The following COL19A1 variants were observed in gnomAD, a reference collection of about 807,000 sequenced individuals.
COL19A1 encodes collagen type XIX alpha 1 chain, also known as collagen alpha-1(XIX) chain.
In COL19A1, 159 loss-of-function variants were observed where a neutral mutation model predicts 190.2. The ratio of observed to expected loss-of-function variants is 0.84; its 90% CI spans 0.73 to 0.95. The LOEUF is 0.95. Ranked by LOEUF, COL19A1 falls within the 40% of genes least tolerant of loss-of-function variation. The pLI is 0.00. For synonymous variants in COL19A1, 509 were observed against 458.9 expected (o/e 1.11, Z -1.39); for missense variants, 1,418 against 1,431.9 (o/e 0.99, Z 0.16).
chr6:70,013,670 T>A (rs1778028763), intron 11 of COL19A1, among the ~76,000 whole-genome samples: 1 of 11,126 alleles, frequency 9.0e-5, no homozygotes, highest in Non-Finnish European at 1.3e-4. Context: ...AGGAAGAAGT[T>A]GAATCTCTGA....
At chr6:70,122,804 A>G (rs561231013) in intron 17 of COL19A1, among the ~76,000 whole-genome samples, 1 of 152,306 alleles carries the variant, frequency 6.6e-6, no homozygotes, top group East Asian at 1.9e-4. Context: ...AAATTTGTTA[A>G]ATGACTAGCT....
intron 16 of COL19A1, among the ~76,000 whole-genome samples, chr6:70,107,629 A>T (rs1181165892): frequency 6.6e-6 from 1 of 152,192 alleles, no homozygotes; most frequent in East Asian, 1.9e-4. Flanking sequence ...TTCTCTCTTT[A>T]CAGTTCTCCA....
intron 17 of COL19A1, among the ~76,000 whole-genome samples, chr6:70,129,122 A>G (rs538669204): frequency 3.7e-4 from 57 of 152,380 alleles, no homozygotes; most frequent in African/African-American, 1.4e-3. Context: ...AAGCCTGTCC[A>G]AAGTTGATTC....
At chr6:69,881,325 C>CT (rs1020614246) in intron 2 of COL19A1, among the ~76,000 whole-genome samples, 3 of 152,054 alleles carry the variant, frequency 2.0e-5, no homozygotes, top group Admixed American at 6.6e-5. Context: ...CCAAGGTTAC[C>CT]TTTTTTTGTT....
rs139109726 is a variant in COL19A1, at chr6:70,144,949, G to A, written c.1712G>A (p.Gly571Glu). The change falls in exon 25 of 51, where the codon GGG becomes GAG. Residue 571 changes from glycine to glutamate, a missense_variant. Coordinates refer to ENST00000620364, the MANE Select transcript of COL19A1 (RefSeq NM_001858.6). ...GDPGGIIGPPGLPGPKGEAGP... is the reference protein window; with the variant it reads ...GDPGGIIGPPELPGPKGEAGP... ...CCGGGTGGGATCATAGGCCCTCCCG[G>A]GCTTCCAGGTCCAAAAGGTGAGGCT... is the stretch of plus-strand genomic sequence containing the variant. 80 of 1,590,734 alleles carry A rather than the reference G, an allele frequency of 5.0e-5. No homozygotes were observed. The highest frequency in any genetic ancestry group is 6.6e-5 in the Non-Finnish European group (77 of 1,166,804).
intron 10 of COL19A1, 108 bp downstream of exon 10, chr6:69,960,148 A>G (rs1774689133): frequency 9.1e-7 from 1 of 1,097,134 alleles, no homozygotes; most frequent in African/African-American, 1.6e-5. Flanking sequence ...ATTCACTCAA[A>G]GACTTTTAGA....
chr6:69,955,873 A>G (rs1289801012), intron 9 of COL19A1, among the ~76,000 whole-genome samples: 1 of 152,030 alleles, frequency 6.6e-6, no homozygotes, highest in Non-Finnish European at 1.5e-5. Flanking sequence ...GGGAAGGTTA[A>G]TTTGGGTTCA....
chr6:69,866,937 C>G (rs1767484329), intron 1 of COL19A1, among the ~76,000 whole-genome samples: 1 of 152,050 alleles, frequency 6.6e-6, no homozygotes, highest in Non-Finnish European at 1.5e-5. Context: ...TGCGTTACAC[C>G]TAAGTTCTAG....
intron 11 of COL19A1, among the ~76,000 whole-genome samples, chr6:70,005,319 T>C (rs1777549213): frequency 6.6e-6 from 1 of 152,122 alleles, no homozygotes; most frequent in East Asian, 1.9e-4. Flanking sequence ...ATGCTGACCT[T>C]TGGATGGATT....
chr6:69,932,932 A>G (rs1044672016), intron 7 of COL19A1, 69 bp downstream of exon 7: 7 of 1,039,158 alleles, frequency 6.7e-6, no homozygotes, highest in African/African-American at 1.6e-5. Context: ...TAGTTTGTAG[A>G]GTCCAAATGT....
intron 4 of COL19A1, among the ~76,000 whole-genome samples, chr6:69,906,370 C>T (rs1770548248): frequency 6.6e-6 from 1 of 152,058 alleles, no homozygotes; most frequent in Non-Finnish European, 1.5e-5. Context: ...ATCCCTTAGG[C>T]TCTTGATAGC....
intron 4 of COL19A1, among the ~76,000 whole-genome samples, chr6:69,911,787 C>T (rs1770938336): frequency 6.6e-6 from 1 of 152,196 alleles, no homozygotes; most frequent in African/African-American, 2.4e-5. Flanking sequence ...CATGATCCCC[C>T]TGCTCTTGGG....
chr6:69,990,156 AATAAAATATTGAACACCTGT>A lies in COL19A1; in HGVS notation c.1026+27290_1026+27309del, dbSNP rs1433717514. ...TTCAAATAAACACAAAAGTGTGCAG[AATAAAATATTGAACACCTGT>A]ATATACTTCAGCTGTCTTCAATTCA... On this transcript the variant is annotated intron_variant, in intron 11 of 50. Transcript: ENST00000620364. 1.6e-4 allele frequency among the ~76,000 whole-genome samples: 25 copies of A among 152,130 alleles called. No individual in the cohort carries two copies. The East Asian group carries it at 2.5e-3, about 15-fold the overall frequency.
chr6:70,172,527 G>A (rs1325641934), intron 41 of COL19A1, among the ~76,000 whole-genome samples: 1 of 152,110 alleles, frequency 6.6e-6, no homozygotes, highest in Non-Finnish European at 1.5e-5. Context: ...ACTACTCAAT[G>A]TATAGCCAGT....
chr6:70,040,462 A>C (rs1250633588), intron 14 of COL19A1, among the ~76,000 whole-genome samples: 1 of 152,224 alleles, frequency 6.6e-6, no homozygotes, highest in Non-Finnish European at 1.5e-5. Flanking sequence ...GCCAGTGACC[A>C]GTGCTTCCTC....
intron 44 of COL19A1, among the ~76,000 whole-genome samples, chr6:70,181,014 G>A (rs1457968383): frequency 6.6e-6 from 1 of 152,188 alleles, no homozygotes; most frequent in Non-Finnish European, 1.5e-5. Flanking sequence ...CTTGGTTACT[G>A]ATCTGTGGTA....
intron 42 of COL19A1, 146 bp from the exon 43 acceptor site, chr6:70,180,166 A>G (rs1766079264): frequency 4.9e-6 from 4 of 819,902 alleles, no homozygotes; most frequent in East Asian, 5.3e-5. Flanking sequence ...GATTCCAGAC[A>G]TGAGCCACCA....
chr6:70,030,938 CTT>C (rs1779028528), intron 12 of COL19A1, among the ~76,000 whole-genome samples: 1 of 152,210 alleles, frequency 6.6e-6, no homozygotes, highest in East Asian at 1.9e-4. Flanking sequence ...TGCTCCCACT[CTT>C]GCTGCCCATA....
intron 31 of COL19A1, among the ~76,000 whole-genome samples, chr6:70,153,180 A>G (rs560204535): frequency 2.0e-5 from 3 of 152,268 alleles, no homozygotes; most frequent in Non-Finnish European, 4.4e-5. Context: ...TGTGGGTTGG[A>G]TCTGTCATGC....
Sources: gnomAD v4.1 joint callset for allele counts (sites outside exome capture counted in the v4.1 genomes callset) on GRCh38, gnomAD v4.1.1 for gene constraint, MANE v1.5 for transcripts, NCBI Gene and HGNC (gene_info 2026-07-23, HGNC 2026-07-21) for gene names.